Variants in MPP7 observed in about 807,000 individuals in gnomAD.
MPP7 encodes MAGUK p55 scaffold protein 7.
In MPP7, 60 loss-of-function variants were observed where a neutral mutation model predicts 76.5. That is an observed-to-expected ratio of 0.78 (90% CI 0.64 to 0.97). The LOEUF is 0.97. MPP7 is among the 50% of genes least tolerant of loss of function. The probability of loss-of-function intolerance (pLI) is 0.00; values close to 1 mark genes in which losing one functional copy is unlikely to be tolerated. For missense variants in MPP7, 641 were observed against 694.0 expected (o/e 0.92, Z 0.86); for synonymous variants, 237 against 244.5 (o/e 0.97, Z 0.29).
intron 1 of MPP7, among the ~76,000 whole-genome samples, chr10:28,285,770 T>A (rs914381379): frequency 1.3e-5 from 2 of 151,820 alleles, no homozygotes; most frequent in Admixed American, 1.3e-4. Context: ...TGATTACTAT[T>A]TACAGGCATT....
intron 1 of MPP7, among the ~76,000 whole-genome samples, chr10:28,270,532 A>AGGG (rs71391026): frequency 1.8e-3 from 28 of 15,462 alleles, no homozygotes; most frequent in Non-Finnish European, 2.4e-3. Context: ...AAAAAAAAAA[A>AGGG]GGGGGGGGGG....
At chr10:28,085,595 G>C (rs1338808130) in intron 12 of MPP7, among the ~76,000 whole-genome samples, 2 of 152,020 alleles carry the variant, frequency 1.3e-5, no homozygotes, top group East Asian at 3.9e-4. Context: ...TAGAGAATGA[G>C]GAAACACTCA....
At chr10:28,230,262 T>C (rs1001634698) in intron 2 of MPP7, among the ~76,000 whole-genome samples, 5 of 152,120 alleles carry the variant, frequency 3.3e-5, no homozygotes, top group Non-Finnish European at 7.4e-5. Context: ...GATGGTAGAT[T>C]TTAAATTTTA....
At chr10:28,281,528 G>A (rs1258635493) in intron 1 of MPP7, among the ~76,000 whole-genome samples, 1 of 152,098 alleles carries the variant, frequency 6.6e-6, no homozygotes, top group African/African-American at 2.4e-5. Flanking sequence ...CTATGAGTAG[G>A]AAGAGATGAC....
At chr10:28,079,411 G>A (rs1313464766) in intron 12 of MPP7, among the ~76,000 whole-genome samples, 1 of 151,470 alleles carries the variant, frequency 6.6e-6, no homozygotes, top group Non-Finnish European at 1.5e-5. Context: ...CCAGTTACTT[G>A]GGAGGCTGAG....
At chr10:28,092,461 A>T (rs1257780740) in intron 11 of MPP7, among the ~76,000 whole-genome samples, 2 of 152,210 alleles carry the variant, frequency 1.3e-5, no homozygotes, top group Non-Finnish European at 2.9e-5. Flanking sequence ...AAAATCACAC[A>T]TGCAGAGAGG....
chr10:28,135,334 A>G (rs1334152841), intron 5 of MPP7, among the ~76,000 whole-genome samples: 1 of 152,212 alleles, frequency 6.6e-6, no homozygotes, highest in Non-Finnish European at 1.5e-5. Flanking sequence ...CAAAGTCCTT[A>G]GCCATGGCAT....
intron 1 of MPP7, among the ~76,000 whole-genome samples, chr10:28,281,300 G>T (rs1840665904): frequency 6.6e-6 from 1 of 151,984 alleles, no homozygotes; most frequent in South Asian, 2.1e-4. Flanking sequence ...CATTGGCCAG[G>T]CTGGTCTCAA....
At chr10:28,264,060 G>A (rs1168527637) in intron 1 of MPP7, among the ~76,000 whole-genome samples, 1 of 152,184 alleles carries the variant, frequency 6.6e-6, no homozygotes, top group African/African-American at 2.4e-5. Context: ...ACTTTGGGAG[G>A]CCGAGGCAGG....
chr10:28,192,143 G>C (rs188735392), intron 3 of MPP7, among the ~76,000 whole-genome samples: 21 of 151,140 alleles, frequency 1.4e-4, no homozygotes, highest in African/African-American at 4.8e-4. Flanking sequence ...ACTGGAAATA[G>C]AAAGAACTTT....
chr10:28,216,668 C>G (rs1023564092), intron 2 of MPP7, among the ~76,000 whole-genome samples: 2 of 152,288 alleles, frequency 1.3e-5, no homozygotes, highest in Non-Finnish European at 2.9e-5. Flanking sequence ...AACACACACA[C>G]TGGAGATGAC....
intron 2 of MPP7, among the ~76,000 whole-genome samples, chr10:28,313,500 T>C (rs1397029406): frequency 1.4e-5 from 2 of 142,272 alleles, no homozygotes; most frequent in Non-Finnish European, 3.1e-5. Flanking sequence ...AGCAAGACTC[T>C]GTCTCAGAAA....
rs760581161 is a variant in MPP7 at position 28,125,056 on chromosome 10, C to T, written c.483G>A (p.Ala161=). ...CTCTCATGATTCTGGCCACAATGAT[C>T]GCCCCGGTCTGTTCATCCTTCTTAA... ...ATIKKDEQTG[A]IIVARIMRGG... Residue 161 remains alanine, a synonymous_variant, in exon 7 of 17, where the codon GCG becomes GCA. Coordinates refer to ENST00000683449, the MANE Select transcript of MPP7 (RefSeq NM_001318170.2). 51 of 1,613,896 alleles carry T rather than the reference C, an allele frequency of 3.2e-5. No homozygotes were observed. Among genetic ancestry groups the T allele is most frequent in the Middle Eastern group, 1.6e-4 (1 of 6,084 alleles).
intron 1 of MPP7, among the ~76,000 whole-genome samples, chr10:28,270,901 T>C (rs1018228250): frequency 1.3e-5 from 2 of 152,164 alleles, no homozygotes; most frequent in African/African-American, 2.4e-5. Flanking sequence ...ATGGGATCTC[T>C]CAGTGGGACT....
intron 1 of MPP7, among the ~76,000 whole-genome samples, chr10:28,333,983 A>T (rs1299025456): frequency 2.6e-5 from 4 of 152,188 alleles, no homozygotes; most frequent in African/African-American, 9.7e-5. Context: ...ACTTGAGGTC[A>T]GGAGTTCGAG....
At chr10:28,171,202 G>T (rs779426965) in intron 3 of MPP7, among the ~76,000 whole-genome samples, 2 of 152,138 alleles carry the variant, frequency 1.3e-5, no homozygotes, top group Non-Finnish European at 2.9e-5. Flanking sequence ...ATACTTTGTG[G>T]AGGCGTTGAC....
chr10:28,239,554 GT>G (rs1228175027), intron 1 of MPP7, among the ~76,000 whole-genome samples: 3 of 152,182 alleles, frequency 2.0e-5, no homozygotes, highest in Non-Finnish European at 4.4e-5. Context: ...GAAGCAAGAT[GT>G]TATTATAGAT....
intron 5 of MPP7, among the ~76,000 whole-genome samples, chr10:28,142,101 A>G (rs1282384181): frequency 2.0e-5 from 3 of 152,154 alleles, no homozygotes; most frequent in African/African-American, 7.2e-5. Context: ...ATTTTCGTAA[A>G]CTCATCATGA....
chr10:28,246,321 G>T (rs1490814694), intron 1 of MPP7, among the ~76,000 whole-genome samples: 2 of 151,934 alleles, frequency 1.3e-5, no homozygotes, highest in African/African-American at 4.8e-5. Context: ...AAAAAAATCT[G>T]CCAATCAAGA....
Sources: gnomAD v4.1 joint callset for allele counts (sites outside exome capture counted in the v4.1 genomes callset) on GRCh38, gnomAD v4.1.1 for gene constraint, MANE v1.5 for transcripts, NCBI Gene and HGNC (gene_info 2026-07-23, HGNC 2026-07-21) for gene names.